Variants in FGF7 observed in about 807,000 individuals in gnomAD.
FGF7 encodes the protein FGF-7.
A neutral mutation model predicts 20.5 loss-of-function variants in FGF7; 6 were observed. That is an observed-to-expected ratio of 0.29 (90% CI 0.16 to 0.58). The LOEUF (loss-of-function observed/expected upper bound fraction) is 0.58. FGF7 is among the 20% of genes least tolerant of loss of function. The probability of loss-of-function intolerance (pLI) is 0.90; values close to 1 mark genes in which losing one functional copy is unlikely to be tolerated. For synonymous variants in FGF7, 64 were observed against 74.7 expected (o/e 0.86, Z 0.74); for missense variants, 144 against 228.8 (o/e 0.63, Z 2.39).
chr15:49,442,127 T>A (rs4332689), intron 2 of FGF7, among the ~76,000 whole-genome samples: 138,234 of 151,610 alleles, frequency 0.91, 64,415 homozygotes, highest in East Asian at 1. Context: ...CTCTCAGCTC[T>A]TCATTAAGAA....
At chr15:49,429,996 G>T (rs2050453747) in intron 2 of FGF7, among the ~76,000 whole-genome samples, 1 of 151,908 alleles carries the variant, frequency 6.6e-6, no homozygotes, top group Admixed American at 6.6e-5. Context: ...TTCAGACCCT[G>T]TAGAGGGATT....
At chr15:49,428,505 C>A (rs2050317218) in intron 2 of FGF7, among the ~76,000 whole-genome samples, 1 of 151,940 alleles carries the variant, frequency 6.6e-6, no homozygotes, top group African/African-American at 2.4e-5. Context: ...TAGATTACTG[C>A]TGCACCAGGC....
rs369619368 is a variant in FGF7, at chr15:49,484,910, T to C, written c.*406T>C. ...TAATAATAATACAGATGTTGTTATATAAGGTATATCAGACCTACAGGCTTC... is the reference window on the plus strand; with the variant it reads ...TAATAATAATACAGATGTTGTTATACAAGGTATATCAGACCTACAGGCTTC... On this transcript the variant is annotated 3_prime_UTR_variant, in exon 4 of 4. Transcript: ENST00000267843. The C allele has an allele frequency of 6.5e-6, 1 of 153,964 alleles. No individual in the cohort carries two copies. Among genetic ancestry groups the C allele is most frequent in the South Asian group, 2.1e-4 (1 of 4,868 alleles). 9.5% of individuals were successfully genotyped at this position (153,964 alleles called of 1,614,324 possible). A position where few individuals can be genotyped will look rare whatever the true frequency, so the allele number is the denominator to read the frequency against.
chr15:49,480,467 C>T lies in FGF7; in HGVS notation c.287-2684C>T, dbSNP rs1264365231. On this transcript the variant is annotated intron_variant, in intron 2 of 3. Coordinates refer to ENST00000267843, the MANE Select transcript of FGF7 (RefSeq NM_002009.4). ...GAATTATAGGAATGCACCACCATGC[C>T]CAACTAATTTTTTTTTTTTTTTTTT... Among the ~76,000 whole-genome samples, 4 of 140,688 alleles carry T rather than the reference C, an allele frequency of 2.8e-5. No individual in the cohort carries two copies. The East Asian group carries it at 6.4e-4, about 22-fold the overall frequency. 92.3% of individuals were successfully genotyped at this position (140,688 alleles called of 152,430 possible). A position where few individuals can be genotyped will look rare whatever the true frequency, so the allele number is the denominator to read the frequency against.
At chr15:49,448,968 A>C (rs1183531232) in intron 2 of FGF7, among the ~76,000 whole-genome samples, 1 of 151,798 alleles carries the variant, frequency 6.6e-6, no homozygotes, top group African/African-American at 2.4e-5. Context: ...TTTTTTTTGC[A>C]TATGAATAAT....
chr15:49,463,751 T>C (rs954406497), intron 2 of FGF7, among the ~76,000 whole-genome samples: 5 of 152,198 alleles, frequency 3.3e-5, no homozygotes, highest in Non-Finnish European at 5.9e-5. Flanking sequence ...TCTGTTTCAC[T>C]ACTATGCTGC....
chr15:49,439,838 A>C (rs566029224), intron 2 of FGF7, among the ~76,000 whole-genome samples: 7 of 151,898 alleles, frequency 4.6e-5, no homozygotes, highest in African/African-American at 1.7e-4. Flanking sequence ...TGTATGAAAC[A>C]AAGACAACTC....
At chr15:49,469,654 G>C (rs570184401) in intron 2 of FGF7, among the ~76,000 whole-genome samples, 1 of 152,042 alleles carries the variant, frequency 6.6e-6, no homozygotes, top group Admixed American at 6.5e-5. Flanking sequence ...TTTACTATAA[G>C]GCAGACAAAA....
At chr15:49,480,734 C>T (rs1361296768) in intron 2 of FGF7, among the ~76,000 whole-genome samples, 1 of 152,004 alleles carries the variant, frequency 6.6e-6, no homozygotes, top group African/African-American at 2.4e-5. Flanking sequence ...CCGCCTGACT[C>T]GGCCTCCCAA....
At chr15:49,425,876 T>C (rs1009148591) in intron 2 of FGF7, among the ~76,000 whole-genome samples, 6 of 151,804 alleles carry the variant, frequency 4.0e-5, no homozygotes, top group African/African-American at 1.4e-4. Flanking sequence ...ATTCTTATTA[T>C]ACTAAAGTTT....
At chr15:49,471,594 T>C (rs895839325) in intron 2 of FGF7, among the ~76,000 whole-genome samples, 1 of 151,690 alleles carries the variant, frequency 6.6e-6, no homozygotes. Flanking sequence ...GTACTGAACA[T>C]AGTTAAGTAA....
intron 2 of FGF7, among the ~76,000 whole-genome samples, chr15:49,451,981 T>G (rs1388122808): frequency 2.0e-5 from 3 of 152,134 alleles, no homozygotes; most frequent in Admixed American, 6.5e-5. Flanking sequence ...TGAGAAACTT[T>G]CTCTCAATAT....
chr15:49,454,863 C>T (rs2053130394), intron 2 of FGF7, among the ~76,000 whole-genome samples: 1 of 152,122 alleles, frequency 6.6e-6, no homozygotes, highest in Admixed American at 6.5e-5. Context: ...CTCGCCTCGG[C>T]CTCCCAAAGT....
At chr15:49,470,616 C>T (rs2054653113) in intron 2 of FGF7, among the ~76,000 whole-genome samples, 1 of 152,164 alleles carries the variant, frequency 6.6e-6, no homozygotes, top group Non-Finnish European at 1.5e-5. Context: ...TTTGACTTCT[C>T]TAACTTCTTT....
chr15:49,461,484 A>C (rs543131859), intron 2 of FGF7, among the ~76,000 whole-genome samples: 1 of 152,342 alleles, frequency 6.6e-6, no homozygotes, highest in Admixed American at 6.5e-5. Context: ...ACTTTAGCTA[A>C]TCTGAGAAAC....
intron 2 of FGF7, among the ~76,000 whole-genome samples, chr15:49,435,514 T>G (rs1022210505): frequency 6.6e-6 from 1 of 151,602 alleles, no homozygotes; most frequent in East Asian, 1.9e-4. Flanking sequence ...TCTTTGTTTT[T>G]GCAAAATTAG....
At chr15:49,431,342 T>C (rs1389432076) in intron 2 of FGF7, among the ~76,000 whole-genome samples, 1 of 151,836 alleles carries the variant, frequency 6.6e-6, no homozygotes, top group South Asian at 2.1e-4. Flanking sequence ...TCTGGACATA[T>C]CTTTAGTAGA....
chr15:49,461,747 T>C (rs1160140781), intron 2 of FGF7, among the ~76,000 whole-genome samples: 1 of 152,264 alleles, frequency 6.6e-6, no homozygotes, highest in East Asian at 1.9e-4. Flanking sequence ...CTTAAAGAGA[T>C]ACCATGTGAA....
chr15:49,459,700 C>T (rs908226241), intron 2 of FGF7, among the ~76,000 whole-genome samples: 2 of 152,038 alleles, frequency 1.3e-5, no homozygotes, highest in African/African-American at 2.4e-5. Flanking sequence ...AATGACTGTA[C>T]ACATTTTCAG....
Sources: allele counts gnomAD v4.1 joint callset (sites outside exome capture counted in the v4.1 genomes callset), GRCh38; gene constraint gnomAD v4.1.1; transcripts MANE v1.5; gene names NCBI Gene and HGNC (gene_info 2026-07-23, HGNC 2026-07-21).